RFX7: variants seen among roughly 807,000 people sequenced by gnomAD.
RFX7 encodes the protein regulatory factor X7.
RFX7 carries 26 observed loss-of-function variants against 111.8 expected under a neutral mutation model. The ratio of observed to expected loss-of-function variants is 0.23; its 90% CI spans 0.17 to 0.32. The LOEUF is 0.32. RFX7 is among the 10% of genes least tolerant of loss of function. The pLI, the probability that RFX7 is intolerant of heterozygous loss-of-function variation, is 1.00. For synonymous variants in RFX7, 624 were observed against 624.4 expected, an observed-to-expected ratio of 1.00 and a Z score of 0.01; for missense variants, 1,573 against 1,772.9, an observed-to-expected ratio of 0.89 and a Z score of 2.02.
intron 2 of RFX7, among the ~76,000 whole-genome samples, chr15:56,236,514 T>C (rs1389707130): frequency 6.6e-6 from 1 of 151,788 alleles, no homozygotes; most frequent in Non-Finnish European, 1.5e-5. Flanking sequence ...TGGACAAGAG[T>C]GGTCTACTTT....
chr15:56,206,238 A>G (rs534489279), intron 2 of RFX7, among the ~76,000 whole-genome samples: 1 of 152,246 alleles, frequency 6.6e-6, no homozygotes, highest in South Asian at 2.1e-4. Context: ...TATACAATAG[A>G]ATATTATTCA....
At chr15:56,109,882 C>T (rs1231476569) in intron 5 of RFX7, among the ~76,000 whole-genome samples, 1 of 151,920 alleles carries the variant, frequency 6.6e-6, no homozygotes, top group East Asian at 2.0e-4. Flanking sequence ...AGGAGTGTCT[C>T]CGCCCGGCAG....
At position 56,096,344 on chromosome 15, in the gene RFX7, C is replaced by A. The variant is rs759153402; in HGVS notation, c.1384G>T (p.Val462Leu). Residue 462 changes from valine to leucine, a missense_variant, in exon 10 of 10, where the codon GTA (valine) becomes TTA (leucine). Physicochemically the swap from Val to Leu is conservative, Grantham distance 32 (BLOSUM62 1). Transcript: ENST00000559447. ...AGAGAACTCATGTGTGAAGCGGGTA[C>A]AACAGCAGTTTTGATGGGACTACTA... Reference protein sequence around the residue: ...FTSSPIKTAVVPASHMSSLNV... With the variant: ...FTSSPIKTAVLPASHMSSLNV... 2 of 1,613,918 alleles carry A rather than the reference C, an allele frequency of 1.2e-6. No homozygotes were observed. Among genetic ancestry groups the A allele is most frequent in the East Asian group, 2.2e-5 (1 of 44,884 alleles).
At chr15:56,124,523 A>C (rs543718751) in intron 5 of RFX7, among the ~76,000 whole-genome samples, 1 of 151,970 alleles carries the variant, frequency 6.6e-6, no homozygotes, top group African/African-American at 2.4e-5. Flanking sequence ...CCTCTCCAGC[A>C]TTTATTTGTC....
chr15:56,184,778 G>A (rs900437924), intron 2 of RFX7, among the ~76,000 whole-genome samples: 8 of 152,036 alleles, frequency 5.3e-5, no homozygotes, highest in Non-Finnish European at 1.0e-4. Context: ...TGTCATTCAC[G>A]TTGCTTTATT....
intron 3 of RFX7, among the ~76,000 whole-genome samples, chr15:56,164,505 G>GT (rs1363754184): frequency 6.6e-6 from 1 of 152,202 alleles, no homozygotes; most frequent in Non-Finnish European, 1.5e-5. Context: ...GACTAGGAAG[G>GT]TTATACCCAG....
intron 2 of RFX7, among the ~76,000 whole-genome samples, chr15:56,220,776 T>A (rs146791884): frequency 2.7e-4 from 41 of 152,316 alleles, no homozygotes; most frequent in African/African-American, 9.9e-4. Context: ...GAATGTTATT[T>A]CCCAGGTCAT....
At chr15:56,121,855 A>G (rs1486726589) in intron 5 of RFX7, among the ~76,000 whole-genome samples, 4 of 152,038 alleles carry the variant, frequency 2.6e-5, no homozygotes, top group African/African-American at 9.7e-5. Context: ...TCAACTCCAG[A>G]ATTTGCTTTT....
At chr15:56,147,014 T>C (rs1395963750) in intron 3 of RFX7, among the ~76,000 whole-genome samples, 14 of 152,212 alleles carry the variant, frequency 9.2e-5, no homozygotes, top group African/African-American at 3.1e-4. Flanking sequence ...ACCCTAACCT[T>C]GCTTGATTGT....
chr15:56,224,056 T>C (rs2043454821), intron 2 of RFX7, among the ~76,000 whole-genome samples: 1 of 151,826 alleles, frequency 6.6e-6, no homozygotes, highest in South Asian at 2.1e-4. Flanking sequence ...CCTTCAGGGA[T>C]AGGCAAATAA....
intron 3 of RFX7, among the ~76,000 whole-genome samples, chr15:56,152,349 T>G (rs377129731): frequency 6.6e-6 from 1 of 151,968 alleles, no homozygotes; most frequent in Admixed American, 6.6e-5. Context: ...TCATAACATA[T>G]AGTCTCCCAG....
In RFX7 at chr15:56,095,299, T is replaced by C. The variant is rs774688388; in HGVS notation, c.2429A>G (p.His810Arg). Residue 810 changes from histidine (H) to arginine (R), a missense_variant, in exon 10 of 10, where the codon CAC becomes CGC. Physicochemically the swap from His to Arg is conservative, Grantham distance 29 (BLOSUM62 0). Transcript: ENST00000559447. ...QDISVMTIPE[H>R]SDINDLEKSV... is the part of the protein sequence containing the mutation. ...TTTCTCTAAGTCATTGATATCAGAG[T>C]GCTCAGGAATTGTCATAACACTGAT... 2.9e-5 allele frequency: 46 copies of C among 1,613,830 alleles called. No homozygotes were observed. In the South Asian group the frequency reaches 4.6e-4, roughly 16 times the overall value.
intron 5 of RFX7, among the ~76,000 whole-genome samples, chr15:56,132,751 A>G (rs1250357143): frequency 6.6e-6 from 1 of 152,158 alleles, no homozygotes; most frequent in East Asian, 1.9e-4. Flanking sequence ...TTATGTTTTA[A>G]TATTTATGTC....
At chr15:56,198,227 C>T (rs2043163072) in intron 2 of RFX7, among the ~76,000 whole-genome samples, 1 of 152,010 alleles carries the variant, frequency 6.6e-6, no homozygotes, top group South Asian at 2.1e-4. Context: ...TAGCCTCTTC[C>T]CAACAATCCC....
intron 2 of RFX7, among the ~76,000 whole-genome samples, chr15:56,198,620 C>T (rs1567043962): frequency 6.6e-6 from 1 of 152,092 alleles, no homozygotes; most frequent in African/African-American, 2.4e-5. Flanking sequence ...AAATAAAAAA[C>T]TTCAAGAAAA....
At chr15:56,126,405 T>A (rs1158270760) in intron 5 of RFX7, among the ~76,000 whole-genome samples, 1 of 152,200 alleles carries the variant, frequency 6.6e-6, no homozygotes, top group Non-Finnish European at 1.5e-5. Context: ...AATAAAGTAG[T>A]TGGAGTGTTT....
At chr15:56,157,769 G>A (rs1231362391) in intron 3 of RFX7, among the ~76,000 whole-genome samples, 2 of 152,230 alleles carry the variant, frequency 1.3e-5, no homozygotes, top group East Asian at 1.9e-4. Flanking sequence ...TAGTAGAGAT[G>A]GGGTTTCACC....
intron 5 of RFX7, among the ~76,000 whole-genome samples, chr15:56,127,814 G>A (rs1251695280): frequency 6.6e-6 from 1 of 151,722 alleles, no homozygotes; most frequent in African/African-American, 2.4e-5. Context: ...CCAAAGTGCT[G>A]GGATTACAGG....
chr15:56,207,128 T>C (rs12591980), intron 2 of RFX7, among the ~76,000 whole-genome samples: 19,801 of 152,200 alleles, frequency 0.13, 1,674 homozygotes, highest in East Asian at 0.44. Context: ...AATACATACA[T>C]GTACTATTAA....
Sources: gnomAD v4.1 joint callset for allele counts (sites outside exome capture counted in the v4.1 genomes callset) on GRCh38, gnomAD v4.1.1 for gene constraint, MANE v1.5 for transcripts, NCBI Gene and HGNC (gene_info 2026-07-23, HGNC 2026-07-21) for gene names.